LIMS4: variants seen among roughly 807,000 people sequenced by gnomAD.
LIMS4 encodes the protein LIM and senescent cell antigen-like-containing domain protein 4.
At chr2:110,368,975 G>C in the LIMS4 span, among the ~76,000 whole-genome samples, 1 of 118,286 alleles carries the variant, frequency 8.5e-6, no homozygotes, top group African/African-American at 3.6e-5. Flanking sequence ...GCATGGAGTG[G>C]CCAAGCACAG....
chr2:110,389,913 G>T, the LIMS4 span, among the ~76,000 whole-genome samples: 1 of 144,624 alleles, frequency 6.9e-6, no homozygotes, highest in South Asian at 2.2e-4. Flanking sequence ...CAGGCTGGGG[G>T]ATCCCTAAGG....
At chr2:110,425,661 G>A in the LIMS4 span, among the ~76,000 whole-genome samples, 7 of 142,552 alleles carry the variant, frequency 4.9e-5, no homozygotes, top group Admixed American at 6.9e-5. Flanking sequence ...TGAAGCTTAT[G>A]AAAGACTCAG....
the LIMS4 span, chr2:110,361,903 A>G: frequency 1.4e-6 from 2 of 1,423,478 alleles, no homozygotes; most frequent in South Asian, 1.2e-5. Flanking sequence ...AGAAGACTTC[A>G]CAGTGAGAAC....
chr2:110,366,976 C>T, the LIMS4 span, among the ~76,000 whole-genome samples: 3 of 148,966 alleles, frequency 2.0e-5, no homozygotes, highest in Non-Finnish European at 4.5e-5. Context: ...CACACACACA[C>T]ACACACAAAT....
chr2:110,419,656 C>CAAAAAAAA, the LIMS4 span, among the ~76,000 whole-genome samples: 9 of 8,122 alleles, frequency 1.1e-3, no homozygotes, highest in African/African-American at 7.5e-3. Flanking sequence ...ACAACAACAA[C>CAAAAAAAA]AAAAAAAAAA....
chr2:110,426,383 CT>C, the LIMS4 span, among the ~76,000 whole-genome samples: 1 of 74,710 alleles, frequency 1.3e-5, no homozygotes, highest in Non-Finnish European at 2.5e-5. Flanking sequence ...TAGATAAGTT[CT>C]TTAGTGGTGA....
chr2:110,382,120 TATATATATATATA>T, the LIMS4 span, among the ~76,000 whole-genome samples: 464 of 87,756 alleles, frequency 5.3e-3, 11 homozygotes, highest in African/African-American at 0.03. Flanking sequence ...TATATATATA[TATATATATATATA>T]TATATATATA....
chr2:110,386,711 T>C, the LIMS4 span: 1 of 828,708 alleles, frequency 1.2e-6, no homozygotes, highest in Non-Finnish European at 1.9e-6. Context: ...CCAAGGAGCG[T>C]GGCTGCTGGG....
chr2:110,382,722 T>C, the LIMS4 span: 1 of 67,504 alleles, frequency 1.5e-5, no homozygotes, highest in Non-Finnish European at 2.6e-5. Flanking sequence ...TAAATGAACC[T>C]TGCAAACTTT....
chr2:110,373,657 G>C, the LIMS4 span, among the ~76,000 whole-genome samples: 1 of 151,576 alleles, frequency 6.6e-6, no homozygotes, highest in African/African-American at 2.5e-5. Flanking sequence ...CCAGTCACAG[G>C]GCTGGTCAGC....
the LIMS4 span, among the ~76,000 whole-genome samples, chr2:110,390,809 A>T: frequency 6.6e-6 from 1 of 152,190 alleles, no homozygotes; most frequent in African/African-American, 2.4e-5. Flanking sequence ...AAAAAGACAG[A>T]TATGGTATGG....
chr2:110,390,474 A>G, the LIMS4 span, among the ~76,000 whole-genome samples: 10 of 132,806 alleles, frequency 7.5e-5, no homozygotes, highest in Admixed American at 4.5e-4. Context: ...GGGATGTGGG[A>G]GCGTGGATTT....
chr2:110,376,221 T>C, the LIMS4 span: 1 of 138,990 alleles, frequency 7.2e-6, no homozygotes, highest in African/African-American at 3.3e-5. Context: ...GATTCTTACA[T>C]AGTCAAAAAG....
At chr2:110,403,244 C>G in the LIMS4 span, 1 of 51,362 alleles carries the variant, frequency 1.9e-5, no homozygotes, top group East Asian at 6.4e-4. Flanking sequence ...TTCTTCATGG[C>G]TCCTGCCTTT....
the LIMS4 span, among the ~76,000 whole-genome samples, chr2:110,391,849 A>T: frequency 6.7e-6 from 1 of 148,652 alleles, no homozygotes; most frequent in Non-Finnish European, 1.5e-5. Context: ...ACTTCAACCC[A>T]GCATGGCCAG....
the LIMS4 span, among the ~76,000 whole-genome samples, chr2:110,425,705 G>T: frequency 7.1e-6 from 1 of 141,702 alleles, no homozygotes; most frequent in Non-Finnish European, 1.5e-5. Flanking sequence ...CCTCGAGGAT[G>T]AAGAGAACTG....
the LIMS4 span, among the ~76,000 whole-genome samples, chr2:110,411,545 C>T: frequency 3.6e-5 from 5 of 137,374 alleles, no homozygotes; most frequent in Non-Finnish European, 6.0e-5. Flanking sequence ...CCCAGTGAGG[C>T]CACTTGTCCA....
chr2:110,403,493 AC>A, the LIMS4 span: 1 of 127,868 alleles, frequency 7.8e-6, no homozygotes, highest in Non-Finnish European at 1.7e-5. Flanking sequence ...ATCCAGTACC[AC>A]CCCCTGTCCC....
At chr2:110,386,783 G>A in the LIMS4 span, 2,031 of 707,610 alleles carry the variant, frequency 2.9e-3, no homozygotes, top group Middle Eastern at 4.4e-3. Context: ...CGAGCACAGC[G>A]GCAGCACCAT....
Sources: allele counts gnomAD v4.1 joint callset (sites outside exome capture counted in the v4.1 genomes callset), GRCh38; gene constraint gnomAD v4.1.1; transcripts MANE v1.5; gene names NCBI Gene and HGNC (gene_info 2026-07-23, HGNC 2026-07-21).